ROBO1: variants seen among roughly 807,000 people sequenced by gnomAD.
ROBO1 encodes roundabout homolog 1.
A neutral mutation model predicts 195.9 loss-of-function variants in ROBO1; 149 were observed. The observed-to-expected ratio is 0.76, with a 90% CI of 0.67 to 0.87. ROBO1 has a LOEUF of 0.87. ROBO1 is among the 40% of genes least tolerant of loss of function. The probability of loss-of-function intolerance (pLI) is 0.00; values close to 1 mark genes in which losing one functional copy is unlikely to be tolerated. For synonymous variants in ROBO1, 816 were observed against 733.2 expected, an observed-to-expected ratio of 1.11 and a Z score of -1.82; for missense variants, 1,933 against 2,068.3, an observed-to-expected ratio of 0.93 and a Z score of 1.27.
chr3:78,910,703 G>C (rs577373771), intron 4 of ROBO1, among the ~76,000 whole-genome samples: 1 of 152,076 alleles, frequency 6.6e-6, no homozygotes, highest in East Asian at 1.9e-4. Flanking sequence ...TTTTTACAAT[G>C]ATTTGCTCAA....
At chr3:79,167,187 G>T (rs1354963444) in intron 2 of ROBO1, among the ~76,000 whole-genome samples, 1 of 134,424 alleles carries the variant, frequency 7.4e-6, no homozygotes, top group South Asian at 2.2e-4. Context: ...AAAATTAATA[G>T]CACAAAAGCA....
At chr3:79,553,176 A>G (rs1008005960) in intron 2 of ROBO1, among the ~76,000 whole-genome samples, 3 of 151,984 alleles carry the variant, frequency 2.0e-5, no homozygotes, top group African/African-American at 4.8e-5. Context: ...GTGAGATTCG[A>G]CACCTCCATT....
intron 3 of ROBO1, among the ~76,000 whole-genome samples, chr3:79,067,362 A>G (rs1213355271): frequency 6.6e-6 from 1 of 151,990 alleles, no homozygotes; most frequent in African/African-American, 2.4e-5. Flanking sequence ...CACAGGGAAA[A>G]TTTTAAATCT....
chr3:79,522,694 A>G (rs1324450796), intron 2 of ROBO1, among the ~76,000 whole-genome samples: 1 of 152,192 alleles, frequency 6.6e-6, no homozygotes, highest in African/African-American at 2.4e-5. Context: ...TGCATATAGT[A>G]ATGTATCGAT....
chr3:79,513,989 T>G (rs1940834641), intron 2 of ROBO1, among the ~76,000 whole-genome samples: 1 of 152,234 alleles, frequency 6.6e-6, no homozygotes, highest in Admixed American at 6.5e-5. Context: ...CTATTTTTGC[T>G]GATGACAACA....
chr3:79,061,786 T>C (rs1296070727), intron 3 of ROBO1, among the ~76,000 whole-genome samples: 1 of 151,918 alleles, frequency 6.6e-6, no homozygotes, highest in Non-Finnish European at 1.5e-5. Context: ...GCTGGGAAAA[T>C]GGCTAGCCAT....
At chr3:79,335,902 C>A (rs1385245472) in intron 2 of ROBO1, among the ~76,000 whole-genome samples, 2 of 152,154 alleles carry the variant, frequency 1.3e-5, no homozygotes, top group Non-Finnish European at 2.9e-5. Flanking sequence ...CAATGAAGTT[C>A]AGGCTGAGGT....
rs143077832 is a variant in ROBO1 at position 79,535,863 on chromosome 3, T to C, written c.88+53961A>G. ...CTCGATCCCATTCCTTTTACCAATA[T>C]GAGGATTTTCTTCAAGAGGTTTTTT... On this transcript the variant is annotated intron_variant, in intron 2 of 30. Coordinates refer to ENST00000464233, the MANE Select transcript of ROBO1 (RefSeq NM_002941.4). 9.2e-4 allele frequency among the ~76,000 whole-genome samples: 140 copies of C among 152,240 alleles called. 1 individual carries two copies. The East Asian group carries it at 0.014, about 16-fold the overall frequency.
chr3:79,464,836 G>A (rs958737207), intron 2 of ROBO1, among the ~76,000 whole-genome samples: 2 of 152,002 alleles, frequency 1.3e-5, no homozygotes, highest in Non-Finnish European at 2.9e-5. Context: ...TTACACAAGC[G>A]GGCATTAATT....
At chr3:79,441,756 A>T (rs1337578366) in intron 2 of ROBO1, among the ~76,000 whole-genome samples, 1 of 152,170 alleles carries the variant, frequency 6.6e-6, no homozygotes, top group Non-Finnish European at 1.5e-5. Flanking sequence ...GCAGAGTGTT[A>T]GTGTAAGGAA....
intron 1 of ROBO1, among the ~76,000 whole-genome samples, chr3:79,701,988 G>A (rs574015718): frequency 3.3e-5 from 5 of 151,622 alleles, no homozygotes; most frequent in African/African-American, 7.3e-5. Flanking sequence ...TCTAAACTTC[G>A]TCCTCTCATG....
intron 2 of ROBO1, among the ~76,000 whole-genome samples, chr3:79,312,178 G>A (rs530807282): frequency 1.3e-5 from 2 of 152,098 alleles, no homozygotes; most frequent in African/African-American, 4.8e-5. Flanking sequence ...TACAATGAAG[G>A]TTCAAACAAT....
At chr3:79,500,149 G>A in intron 2 of ROBO1, among the ~76,000 whole-genome samples, 1 of 45,236 alleles carries the variant, frequency 2.2e-5, no homozygotes, top group Non-Finnish European at 4.9e-5. Context: ...TTTTTTTTTT[G>A]AGAAGAAGTC....
chr3:79,017,725 T>C (rs2077986179), intron 3 of ROBO1, among the ~76,000 whole-genome samples: 1 of 151,988 alleles, frequency 6.6e-6, no homozygotes, highest in Non-Finnish European at 1.5e-5. Flanking sequence ...ATCCTAAACA[T>C]CCCAAATTCA....
At position 79,740,959 on chromosome 3, in the gene ROBO1, T is replaced by A. The variant is rs1443387357; in HGVS notation, c.-51+26793A>T. Among the ~76,000 whole-genome samples the A allele has an allele frequency of 2.0e-5, 3 of 152,196 alleles. No homozygotes were observed. The East Asian group carries it at 5.8e-4, about 29-fold the overall frequency. ...TATAAAAAATAGTTGTGAAATACTA[T>A]TTTCTCTACATCTATATCCTTTCAA... On this transcript the variant is annotated intron_variant, in intron 1 of 30. Transcript: ENST00000464233.
At chr3:78,948,467 C>A (rs1047592104) in intron 3 of ROBO1, among the ~76,000 whole-genome samples, 4 of 152,134 alleles carry the variant, frequency 2.6e-5, no homozygotes, top group African/African-American at 7.2e-5. Context: ...TTCAACAACT[C>A]TTCATGCTAA....
intron 2 of ROBO1, among the ~76,000 whole-genome samples, chr3:79,336,325 G>A (rs2034664426): frequency 6.6e-6 from 1 of 152,200 alleles, no homozygotes; most frequent in Admixed American, 6.5e-5. Flanking sequence ...TGGTTTTGTG[G>A]TCTGGGCCTA....
At chr3:78,965,053 T>C (rs900901612) in intron 3 of ROBO1, among the ~76,000 whole-genome samples, 1 of 151,964 alleles carries the variant, frequency 6.6e-6, no homozygotes, top group African/African-American at 2.4e-5. Context: ...CTAAAAATTT[T>C]TATAAACCAA....
At chr3:79,451,171 T>A (rs532683293) in intron 2 of ROBO1, among the ~76,000 whole-genome samples, 155 of 152,200 alleles carry the variant, frequency 1.0e-3, no homozygotes, top group African/African-American at 3.3e-3. Flanking sequence ...AAAGTCAATA[T>A]AGAATTTTCA....
Sources: allele counts gnomAD v4.1 joint callset (sites outside exome capture counted in the v4.1 genomes callset), GRCh38; gene constraint gnomAD v4.1.1; transcripts MANE v1.5; gene names NCBI Gene and HGNC (gene_info 2026-07-23, HGNC 2026-07-21).